Variants in ONECUT2 observed in about 807,000 individuals in gnomAD.
ONECUT2 encodes one cut domain family member 2.
In ONECUT2, 10 loss-of-function variants were observed where a neutral mutation model predicts 27.9. The ratio of observed to expected loss-of-function variants is 0.36; its 90% CI spans 0.22 to 0.61. ONECUT2 has a LOEUF of 0.61. Among genes scored for constraint, ONECUT2 ranks in the 20% least tolerant of loss-of-function variants. ONECUT2 has a pLI of 0.73. For missense variants in ONECUT2, 686 were observed against 721.0 expected (o/e 0.95, Z 0.56); for synonymous variants, 334 against 315.1 (o/e 1.06, Z -0.64).
chr18:57,464,615 C>T (rs2050310572), intron 1 of ONECUT2, among the ~76,000 whole-genome samples: 1 of 152,170 alleles, frequency 6.6e-6, no homozygotes, highest in East Asian at 1.9e-4. Context: ...TTTGTTCAAA[C>T]TATATTATTC....
chr18:57,482,330 C>T lies in ONECUT2; in HGVS notation c.*5607C>T, dbSNP rs1161622733. 2.6e-5 allele frequency: 4 copies of T among 152,140 alleles called. No individual in the cohort carries two copies. The highest frequency in any genetic ancestry group is 6.5e-5 in the Admixed American group (1 of 15,276). The allele number at this position is 152,140 out of a possible 1,614,324, so 9.4% of individuals were successfully genotyped here. A position where few individuals can be genotyped will look rare whatever the true frequency, so the allele number is the denominator to read the frequency against. On this transcript the variant is annotated 3_prime_UTR_variant, in exon 2 of 2. Coordinates refer to ENST00000491143, the MANE Select transcript of ONECUT2 (RefSeq NM_004852.3). The stretch of plus-strand genomic sequence containing the variant: ...GTAGTTATTAAAATATATAGGACCT[C>T]ACATAGGTAGATACAGAACTTACCA...
At chr18:57,459,815 T>A (rs1344503362) in intron 1 of ONECUT2, among the ~76,000 whole-genome samples, 2 of 152,236 alleles carry the variant, frequency 1.3e-5, no homozygotes, top group African/African-American at 4.8e-5. Context: ...CGCCTCAGCC[T>A]CCCAAAGTGC....
chr18:57,462,183 T>G (rs2050295584), intron 1 of ONECUT2, among the ~76,000 whole-genome samples: 2 of 152,238 alleles, frequency 1.3e-5, no homozygotes, highest in Non-Finnish European at 2.9e-5. Context: ...CATCTTTTCA[T>G]GTAATTTTTG....
At position 57,435,867 on chromosome 18, in the gene ONECUT2, G is replaced by A. The variant is rs2050136835; in HGVS notation, c.151G>A (p.Gly51Ser). 6 of 1,013,792 alleles carry A rather than the reference G, an allele frequency of 5.9e-6. No homozygotes were observed. The highest frequency in any genetic ancestry group is 7.1e-6 in the Non-Finnish European group (6 of 849,182). 62.8% of individuals were successfully genotyped at this position (1,013,792 alleles called of 1,614,324 possible). A position where few individuals can be genotyped will look rare whatever the true frequency, so the allele number is the denominator to read the frequency against. Residue 51 changes from glycine (G) to serine (S), a missense_variant, in exon 1 of 2, where the codon GGC (glycine) becomes AGC (serine). Physicochemically the swap from Gly to Ser is moderately conservative, Grantham distance 56. Transcript: ENST00000491143. ...GGGCGGCGGCGGGGGCGGCGGGGGC[G>A]GCGGCGGGGGCCCGGGCCATGAGCA... The part of the protein sequence containing the change: ...GGGGGGGGGG[G>S]GGGPGHEQEL...
Position 57,458,235 on chromosome 18 carries a change from A to C in ONECUT2, c.1229-18202A>C, listed in dbSNP as rs368449724. Among the ~76,000 whole-genome samples, 21 of 152,326 alleles carry C rather than the reference A, an allele frequency of 1.4e-4. No homozygotes were observed. In the East Asian group the frequency reaches 2.5e-3, roughly 18 times the overall value. On this transcript the variant is annotated intron_variant, in intron 1 of 1. Coordinates refer to ENST00000491143, the MANE Select transcript of ONECUT2 (RefSeq NM_004852.3). ...AAACATTCTACTTATAAAAATCAAA[A>C]CATTAATGATCAGAATAAAGTCCTC...
chr18:57,490,113 G>A lies in ONECUT2; in HGVS notation c.*13390G>A, dbSNP rs577320. On this transcript the variant is annotated 3_prime_UTR_variant, in exon 2 of 2. Coordinates refer to ENST00000491143, the MANE Select transcript of ONECUT2 (RefSeq NM_004852.3). ...TCAAAAGTGTTCTCCTGGACCAGAG[G>A]GAAAGAGCTGGTCCATTTTTTTTCA... The A allele has an allele frequency of 0.98, 148,666 of 152,318 alleles. 72,667 individuals are homozygous for A. The highest frequency in any genetic ancestry group is 1 in the East Asian group (5,184 of 5,184). 9.4% of individuals were successfully genotyped at this position (152,318 alleles called of 1,614,324 possible).
chr18:57,443,140 A>C (rs1244533154), intron 1 of ONECUT2, among the ~76,000 whole-genome samples: 1 of 152,222 alleles, frequency 6.6e-6, no homozygotes, highest in East Asian at 1.9e-4. Context: ...TCTTCATGAA[A>C]AGTGGTATCA....
Position 57,482,356 on chromosome 18 carries a change from T to C in ONECUT2, c.*5633T>C, listed in dbSNP as rs562192747. ...ACATAGGTAGATACAGAACTTACCA[T>C]TGAGGCTGATGGGCTGTTGTGTGAA... is the stretch of plus-strand genomic sequence containing the variant. On this transcript the variant is annotated 3_prime_UTR_variant, in exon 2 of 2. Transcript: ENST00000491143. The C allele has an allele frequency of 2.0e-5, 3 of 152,332 alleles. No homozygotes were observed. The South Asian group carries it at 6.2e-4, about 32-fold the overall frequency. 9.4% of individuals were successfully genotyped at this position (152,332 alleles called of 1,614,324 possible). A position where few individuals can be genotyped will look rare whatever the true frequency, so the allele number is the denominator to read the frequency against.
chr18:57,435,377 G>C lies in ONECUT2; in HGVS notation c.-340G>C, dbSNP rs576506054. Among the ~76,000 whole-genome samples, 24 of 152,002 alleles carry C rather than the reference G, an allele frequency of 1.6e-4. No individual in the cohort carries two copies. Among genetic ancestry groups the C allele is most frequent in the African/African-American group, 5.1e-4 (21 of 41,490 alleles). ...GTTGGCTGCCCCGGCGAGCGGCAGA[G>C]CCCTTCTGGACAGCTCCCGCTCACC... is the stretch of plus-strand genomic sequence containing the variant. On this transcript the variant is annotated 5_prime_UTR_variant, in exon 1 of 2. Coordinates refer to ENST00000491143, the MANE Select transcript of ONECUT2 (RefSeq NM_004852.3).
chr18:57,452,914 G>A (rs2067410668), intron 1 of ONECUT2, among the ~76,000 whole-genome samples: 1 of 152,174 alleles, frequency 6.6e-6, no homozygotes, highest in Non-Finnish European at 1.5e-5. Flanking sequence ...GTTTACCAAT[G>A]AATAAAGAAG....
rs759677858 is a variant in ONECUT2 at position 57,435,827 on chromosome 18, CGGCGGCAGT to C, written c.117_125del (p.Ser40_Gly42del). On this transcript the variant is annotated inframe_deletion, in exon 1 of 2. Transcript: ENST00000491143. ...TGGGCACTTTGCACGGGCCGGCCGG[CGGCGGCAGT>C]GGCGGGGGCGGCGGCGGGGGCGGCG... The C allele has an allele frequency of 2.7e-6, 3 of 1,099,452 alleles. No homozygotes were observed. Among genetic ancestry groups the C allele is most frequent in the Non-Finnish European group, 3.4e-6 (3 of 885,940 alleles). The allele number at this position is 1,099,452 out of a possible 1,614,324, so 68.1% of individuals were successfully genotyped here.
At chr18:57,442,009 C>A (rs2050177441) in intron 1 of ONECUT2, among the ~76,000 whole-genome samples, 1 of 146,282 alleles carries the variant, frequency 6.8e-6, no homozygotes, top group East Asian at 2.2e-4. Context: ...AGGCCCGGGT[C>A]ACTGGCCCAT....
At chr18:57,468,488 A>G (rs745906779) in intron 1 of ONECUT2, among the ~76,000 whole-genome samples, 1 of 152,230 alleles carries the variant, frequency 6.6e-6, no homozygotes, top group Non-Finnish European at 1.5e-5. Flanking sequence ...CCTGCAAGGC[A>G]TCTAACTGGG....
intron 1 of ONECUT2, among the ~76,000 whole-genome samples, chr18:57,457,059 G>A (rs1407931616): frequency 1.3e-5 from 2 of 152,134 alleles, no homozygotes; most frequent in Non-Finnish European, 2.9e-5. Context: ...CTCATAAGTG[G>A]TATTTCTGGG....
In ONECUT2 at chr18:57,484,326, T is replaced by C. The variant is rs995066531; in HGVS notation, c.*7603T>C. 1 of 152,678 alleles carries C rather than the reference T, an allele frequency of 6.5e-6. No homozygotes were observed. The highest frequency in any genetic ancestry group is 2.4e-5 in the African/African-American group (1 of 41,476). 9.5% of individuals were successfully genotyped at this position (152,678 alleles called of 1,614,324 possible). A position where few individuals can be genotyped will look rare whatever the true frequency, so the allele number is the denominator to read the frequency against. Reference sequence around the variant, plus strand: ...ACACCAAAGATACCAAAGATTTCTTTCTCTGTGCGGTCTGCATTTTGCTTG... The same window carrying C: ...ACACCAAAGATACCAAAGATTTCTTCCTCTGTGCGGTCTGCATTTTGCTTG... On this transcript the variant is annotated 3_prime_UTR_variant, in exon 2 of 2. Transcript: ENST00000491143.
chr18:57,487,632 A>T lies in ONECUT2; in HGVS notation c.*10909A>T, dbSNP rs2050444954. 6.6e-6 allele frequency: 1 copy of T among 152,166 alleles called. No homozygotes were observed. 9.4% of individuals were successfully genotyped at this position (152,166 alleles called of 1,614,324 possible). On this transcript the variant is annotated 3_prime_UTR_variant, in exon 2 of 2. Coordinates refer to ENST00000491143, the MANE Select transcript of ONECUT2 (RefSeq NM_004852.3). ...CTGTTCCAGTGATTTGGGCAAAAAT[A>T]CGCAGCCATTTCCCAAAACTTCACA...
intron 1 of ONECUT2, among the ~76,000 whole-genome samples, chr18:57,468,660 A>G (rs1362162437): frequency 6.6e-6 from 1 of 152,086 alleles, no homozygotes; most frequent in East Asian, 1.9e-4. Flanking sequence ...TTAGAGCCTG[A>G]GCCCCAAGTC....
intron 1 of ONECUT2, among the ~76,000 whole-genome samples, chr18:57,444,861 A>G (rs2050192982): frequency 6.6e-6 from 1 of 151,248 alleles, no homozygotes; most frequent in African/African-American, 2.4e-5. Context: ...TCCAAACCAA[A>G]CAAAAATGGG....
In ONECUT2 at chr18:57,436,618, C is replaced by T. The variant is rs974528079; in HGVS notation, c.902C>T (p.Thr301Ile). ...AACGGCCTGCACCACCCGGGCCACA[C>T]TCAGTCTCACGGGCCGGTGCTGGCA... ...HLNGLHHPGH[T>I]QSHGPVLAPS... Residue 301 changes from threonine (T) to isoleucine (I), a missense_variant, in exon 1 of 2, where the codon ACT (threonine) becomes ATT (isoleucine). Thr to Ile is a moderately conservative substitution (Grantham distance 89). Around this residue, in one of 4 missense-constraint regions of ONECUT2, gnomAD observed 511 missense variants for 488.1 expected, o/e 1.05. Transcript: ENST00000491143. The surrounding 1 kb of genome is among the most constrained non-coding windows in gnomAD (Gnocchi z 5.9). The T allele has an allele frequency of 1.2e-6, 2 of 1,611,128 alleles. No individual in the cohort carries two copies. Among genetic ancestry groups the T allele is most frequent in the African/African-American group, 1.3e-5 (1 of 74,946 alleles).
Sources: gnomAD v4.1 joint callset for allele counts (sites outside exome capture counted in the v4.1 genomes callset) on GRCh38, gnomAD v4.1.1 for gene constraint, gnomAD v4.1.1 regional missense constraint, Gnocchi (gnomAD v3.1) non-coding constraint, MANE v1.5 for transcripts, NCBI Gene and HGNC (gene_info 2026-07-23, HGNC 2026-07-21) for gene names.